The following DOK2 variants were observed in gnomAD, a reference collection of about 807,000 sequenced individuals.
DOK2 encodes the protein docking protein 2, 56kD.
DOK2 carries 28 observed loss-of-function variants against 26.0 expected under a neutral mutation model. That is an observed-to-expected ratio of 1.08 (90% confidence interval 0.80 to 1.48). The LOEUF is 1.48. Ranked by LOEUF, DOK2 falls within the 40% of genes most tolerant of loss-of-function variation. DOK2 has a pLI of 0.00. For synonymous variants in DOK2, 282 were observed against 236.9 expected (o/e 1.19, Z -1.75); for missense variants, 682 against 558.2 (o/e 1.22, Z -2.23).
At chr8:21,912,145 C>A in intron 2 of DOK2, 84 bp downstream of exon 2, 1 of 1,474,020 alleles carries the variant, frequency 6.8e-7, no homozygotes, top group Non-Finnish European at 9.0e-7. Flanking sequence ...CTGACCTTGA[C>A]ACCTGTAACA....
rs1809943338 is a variant in DOK2 at position 21,913,632 on chromosome 8, GCT to G, written c.-33_-32del. ...GACCATCTCGGAGCCCCAGGCTTCA[GCT>G]CTCTCCTTCACTCCTGCCCTTGCCT... On this transcript the variant is annotated 5_prime_UTR_variant, in exon 1 of 5. Coordinates refer to ENST00000276420, the MANE Select transcript of DOK2 (RefSeq NM_003974.4). The G allele has an allele frequency of 6.2e-7, 1 of 1,612,978 alleles. No homozygotes were observed. The highest frequency in any genetic ancestry group is 8.5e-7 in the Non-Finnish European group (1 of 1,179,432).
chr8:21,912,577 A>C, intron 1 of DOK2, 67 bp from the exon 2 acceptor site: 1 of 1,428,920 alleles, frequency 7.0e-7, no homozygotes. Flanking sequence ...TCGTGAGCCA[A>C]GGGGAGAAGA....
intron 4 of DOK2, 124 bp from the exon 5 acceptor site, chr8:21,910,055 C>T (rs1809778295): frequency 8.8e-7 from 1 of 1,134,916 alleles, no homozygotes; most frequent in African/African-American, 1.6e-5. Context: ...AATCTCAGCT[C>T]ACTGCAACCT....
rs1438347884 is a variant in DOK2 at position 21,912,246 on chromosome 8, A to T, written c.328T>A (p.Cys110Ser). Residue 110 changes from cysteine to serine, a missense_variant, in exon 2 of 5, where the codon TGC becomes AGC. Physicochemically the swap from Cys to Ser is moderately radical, Grantham distance 112 (BLOSUM62 -1). Transcript: ENST00000276420. ...CGACTCACGGGGAAGGCCAGGAGGC[A>T]GATGGCCTGCACCCAGTCGCCGCGC... is the stretch of plus-strand genomic sequence containing the variant. ...AERGDWVQAI[C>S]LLAFPGQRKE... 6.4e-7 allele frequency: 1 copy of T among 1,568,610 alleles called. No homozygotes were observed. The highest frequency in any genetic ancestry group is 1.4e-5 in the African/African-American group (1 of 73,642).
Position 21,912,367 on chromosome 8 carries a change from G to A in DOK2, c.207C>T (p.Ala69=), listed in dbSNP as rs757512119. Residue 69 remains alanine (A), a synonymous_variant, in exon 2 of 5, where the codon GCC becomes GCT. Coordinates refer to ENST00000276420, the MANE Select transcript of DOK2 (RefSeq NM_003974.4). ...VIRLSDCLRV[A]EAGGEASSPR... ...GGCTGCTGGCCTCTCCGCCGGCCTC[G>A]GCCACCCGCAGGCAGTCACTGAGGC... 5.0e-6 allele frequency: 8 copies of A among 1,606,094 alleles called. No homozygotes were observed. The Admixed American group carries it at 1.3e-4, about 27-fold the overall frequency.
At position 21,910,736 on chromosome 8, in the gene DOK2, G is replaced by C; in HGVS notation, c.555C>G (p.Pro185=). Residue 185 remains proline (P), a synonymous_variant, in exon 4 of 5, where the codon CCC becomes CCG. Coordinates refer to ENST00000276420, the MANE Select transcript of DOK2 (RefSeq NM_003974.4). The part of the protein sequence containing the change: ...GESALELWGG[P]EPGTQLYDWP... Reference sequence around the variant, plus strand: ...AGTCGTACAGCTGGGTCCCTGGCTCGGGCCCACCCCACAGCTCCAGGGCAC... The same window carrying C: ...AGTCGTACAGCTGGGTCCCTGGCTCCGGCCCACCCCACAGCTCCAGGGCAC... 1 of 1,613,932 alleles carries C rather than the reference G, an allele frequency of 6.2e-7. No individual in the cohort carries two copies. The highest frequency in any genetic ancestry group is 1.3e-5 in the African/African-American group (1 of 75,014).
intron 2 of DOK2, 108 bp from the exon 3 acceptor site, chr8:21,912,096 G>A (rs1809873046): frequency 1.4e-6 from 2 of 1,471,018 alleles, no homozygotes; most frequent in Middle Eastern, 2.3e-4. Context: ...CTGCACACTG[G>A]GTTCGGGTCC....
chr8:21,912,582 A>G, intron 1 of DOK2, 72 bp from the exon 2 acceptor site: 1 of 1,426,014 alleles, frequency 7.0e-7, no homozygotes, highest in Non-Finnish European at 9.2e-7. Context: ...AGCCAAGGGG[A>G]GAAGAGGAAC....
In DOK2 at chr8:21,909,676, G is replaced by A. The variant is rs898300630; in HGVS notation, c.874C>T (p.Pro292Ser). Reference protein sequence around the residue: ...SPTTPVPAPRPRGQEGEYAVP... With the variant: ...SPTTPVPAPRSRGQEGEYAVP... ...GCATACTCCCCCTCCTGGCCCCGAG[G>A]CCGTGGAGCAGGCACCGGTGTGGTG... Residue 292 changes from proline (P) to serine (S), a missense_variant, in exon 5 of 5, where the codon CCT becomes TCT. Coordinates refer to ENST00000276420, the MANE Select transcript of DOK2 (RefSeq NM_003974.4). The A allele has an allele frequency of 6.2e-7, 1 of 1,613,176 alleles. No homozygotes were observed. Among genetic ancestry groups the A allele is most frequent in the East Asian group, 2.2e-5 (1 of 44,884 alleles).
chr8:21,909,237 TC>T lies in DOK2; in HGVS notation c.*73del, dbSNP rs1300507050. On this transcript the variant is annotated 3_prime_UTR_variant, in exon 5 of 5. Transcript: ENST00000276420. ...GGGCTCCAGAAGGGGCAGAGGAGGT[TC>T]TTCTGATGCAGTGGCCAGGAGGAGT... The T allele has an allele frequency of 6.7e-7, 1 of 1,492,842 alleles. No individual in the cohort carries two copies. The highest frequency in any genetic ancestry group is 9.0e-7 in the Non-Finnish European group (1 of 1,116,584). 92.5% of individuals were successfully genotyped at this position (1,492,842 alleles called of 1,614,324 possible). A position where few individuals can be genotyped will look rare whatever the true frequency, so the allele number is the denominator to read the frequency against.
chr8:21,909,862 G>T lies in DOK2; in HGVS notation c.688C>A (p.Gln230Lys). The change falls in exon 5 of 5, where the codon CAA (glutamine) becomes AAA (lysine). Residue 230 changes from glutamine to lysine, a missense_variant. Gln to Lys is a moderately conservative substitution (Grantham distance 53, BLOSUM62 1). Transcript: ENST00000276420. ...GEGNFEFETR[Q>K]GNEIFLALEE... ...AGGGCCAAGAAGATCTCATTGCCTT[G>T]CCGGGTTTCGAACTCAAAGTTGCCC... The T allele has an allele frequency of 6.2e-7, 1 of 1,613,862 alleles. No individual in the cohort carries two copies. The highest frequency in any genetic ancestry group is 8.5e-7 in the Non-Finnish European group (1 of 1,180,028).
At chr8:21,910,049 T>G (rs1585396830) in intron 4 of DOK2, 118 bp from the exon 5 acceptor site, 2 of 1,195,750 alleles carry the variant, frequency 1.7e-6, no homozygotes, top group East Asian at 5.0e-5. Context: ...TGGCACAATC[T>G]CAGCTCACTG....
At chr8:21,910,949 AC>A (rs1809821064) in intron 3 of DOK2, 92 bp from the exon 4 acceptor site, 2 of 1,371,988 alleles carry the variant, frequency 1.5e-6, no homozygotes, top group Admixed American at 5.4e-5. Context: ...GCGTACCAGA[AC>A]TTTTCTAGAA....
In DOK2 at chr8:21,909,781, G is replaced by T; in HGVS notation, c.769C>A (p.Pro257Thr). ...GGCAGCGACGCGGGGATTGTGGCTG[G>T]CTGCGGTTGGGGTGTAGCGGGTGCA... Reference protein sequence around the residue: ...NAAPATPQPQPATIPASLPRP... With the variant: ...NAAPATPQPQTATIPASLPRP... The change falls in exon 5 of 5, where the codon CCA becomes ACA. Residue 257 changes from proline (P) to threonine (T), a missense_variant. Pro to Thr is a conservative substitution (Grantham distance 38, BLOSUM62 -1). Coordinates refer to ENST00000276420, the MANE Select transcript of DOK2 (RefSeq NM_003974.4). 6.2e-7 allele frequency: 1 copy of T among 1,613,986 alleles called. No individual in the cohort carries two copies. The highest frequency in any genetic ancestry group is 8.5e-7 in the Non-Finnish European group (1 of 1,180,028).
At position 21,909,136 on chromosome 8, in the gene DOK2, G is replaced by T; in HGVS notation, c.*175C>A. The T allele has an allele frequency of 1.4e-6, 1 of 703,892 alleles. No homozygotes were observed. Among genetic ancestry groups the T allele is most frequent in the Non-Finnish European group, 2.4e-6 (1 of 423,890 alleles). The allele number at this position is 703,892 out of a possible 1,614,324, so 43.6% of individuals were successfully genotyped here. On this transcript the variant is annotated 3_prime_UTR_variant, in exon 5 of 5. Coordinates refer to ENST00000276420, the MANE Select transcript of DOK2 (RefSeq NM_003974.4). Reference sequence around the variant, plus strand: ...TGGTTCTCTCCAGGGCACCCTTCCTGCTTTGGGATGGTGACTCACCCAGCA... The same window carrying T: ...TGGTTCTCTCCAGGGCACCCTTCCTTCTTTGGGATGGTGACTCACCCAGCA...
intron 3 of DOK2, 22 bp downstream of exon 3, chr8:21,911,865 CCCCAGGGGAGAGCA>C (rs1230969392): frequency 6.5e-7 from 1 of 1,544,198 alleles, no homozygotes; most frequent in African/African-American, 1.4e-5. Flanking sequence ...TGGGGAGAGC[CCCCAGGGGAGAGCA>C]GGGCAGCCCC....
Position 21,909,728 on chromosome 8 carries a change from C to T in DOK2, c.822G>A (p.Pro274=), listed in dbSNP as rs111543087. 754 of 1,613,458 alleles carry T rather than the reference C, an allele frequency of 4.7e-4. 4 individuals are homozygous for T. In the African/African-American group the frequency reaches 8.3e-3, roughly 18 times the overall value. ...LPRPDSPYSR[P]HDSLPPPSPT... Reference sequence around the variant, plus strand: ...GTGAAGGCGGCGGCAGTGAGTCATGCGGCCGAGAGTAGGGGCTATCAGGCC... The same window carrying T: ...GTGAAGGCGGCGGCAGTGAGTCATGTGGCCGAGAGTAGGGGCTATCAGGCC... Residue 274 remains proline, a synonymous_variant, in exon 5 of 5, where the codon CCG becomes CCA. Transcript: ENST00000276420.
At position 21,912,400 on chromosome 8, in the gene DOK2, C is replaced by T. The variant is rs1484761188; in HGVS notation, c.174G>A (p.Lys58=). 2 of 1,595,144 alleles carry T rather than the reference C, an allele frequency of 1.3e-6. No individual in the cohort carries two copies. Among genetic ancestry groups the T allele is most frequent in the South Asian group, 1.1e-5 (1 of 88,352 alleles). The change falls in exon 2 of 5, where the codon AAG becomes AAA. Residue 58 remains lysine, a synonymous_variant. Coordinates refer to ENST00000276420, the MANE Select transcript of DOK2 (RefSeq NM_003974.4). ...GCAGGCAGTCACTGAGGCGGATGAC[C>T]TTCCGGGCAGCCTCACACCGACGAG... ...EKPRRCEAAR[K]VIRLSDCLRV...
intron 1 of DOK2, 175 bp from the exon 2 acceptor site, chr8:21,912,685 T>G: frequency 1.6e-6 from 1 of 633,516 alleles, no homozygotes; most frequent in Non-Finnish European, 2.6e-6. Context: ...GGACAGTGAC[T>G]GCAGGAATTA....
Sources: gnomAD v4.1 joint callset for allele counts on GRCh38, gnomAD v4.1.1 for gene constraint, MANE v1.5 for transcripts, NCBI Gene and HGNC (gene_info 2026-07-23, HGNC 2026-07-21) for gene names.